FBXO33: variants seen among roughly 807,000 people sequenced by gnomAD.
The protein encoded by FBXO33 is F-box only protein 33.
A neutral mutation model predicts 46.3 loss-of-function variants in FBXO33; 22 were observed. That is an observed-to-expected ratio of 0.48 (90% CI 0.34 to 0.68). The LOEUF is 0.68. FBXO33 is among the 30% of genes least tolerant of loss of function. The pLI, the probability that FBXO33 is intolerant of heterozygous loss-of-function variation, is 0.01. For missense variants in FBXO33, 692 were observed against 708.8 expected, an observed-to-expected ratio of 0.98 and a Z score of 0.27; for synonymous variants, 337 against 291.3, an observed-to-expected ratio of 1.16 and a Z score of -1.60.
At chr14:39,416,600 A>G (rs1567076517) in intron 1 of FBXO33, among the ~76,000 whole-genome samples, 1 of 151,684 alleles carries the variant, frequency 6.6e-6, no homozygotes, top group Non-Finnish European at 1.5e-5. Flanking sequence ...CTTCTGCTTG[A>G]TCGATTGTCA....
intron 1 of FBXO33, among the ~76,000 whole-genome samples, chr14:39,416,069 GT>G (rs1289844553): frequency 6.6e-6 from 1 of 152,118 alleles, no homozygotes; most frequent in Non-Finnish European, 1.5e-5. Flanking sequence ...TCACTAGTGA[GT>G]TTTTTACTGT....
Position 39,431,913 on chromosome 14 carries a change from G to A in FBXO33, c.250C>T (p.Pro84Ser). ...ELIVHIFSFL[P>S]APDRLRASAS... The stretch of plus-strand genomic sequence containing the variant: ...GAGGCCCGCAGCCGGTCGGGCGCCG[G>A]CAGAAAAGAGAAGATGTGCACGATC... The change falls in exon 1 of 4, where the codon CCG (proline) becomes TCG (serine). Residue 84 changes from proline (P) to serine (S), a missense_variant. Coordinates refer to ENST00000298097, the MANE Select transcript of FBXO33 (RefSeq NM_203301.4). The A allele has an allele frequency of 1.9e-6, 3 of 1,541,190 alleles. No individual in the cohort carries two copies. The highest frequency in any genetic ancestry group is 2.4e-5 in the East Asian group (1 of 41,486).
chr14:39,409,550 G>C (rs909963385), intron 1 of FBXO33, among the ~76,000 whole-genome samples: 1 of 152,060 alleles, frequency 6.6e-6, no homozygotes, highest in African/African-American at 2.4e-5. Flanking sequence ...AGACTGCTCT[G>C]GCTATTCAGG....
intron 1 of FBXO33, among the ~76,000 whole-genome samples, chr14:39,403,802 TC>T (rs1252969311): frequency 1.5e-5 from 2 of 136,572 alleles, no homozygotes; most frequent in African/African-American, 6.2e-5. Context: ...AAATACCATT[TC>T]TTTTTTTTTT....
Position 39,432,397 on chromosome 14 carries a change from C to T in FBXO33, c.-235G>A, listed in dbSNP as rs2075568953. The T allele has an allele frequency of 7.6e-6, 2 of 263,820 alleles. No individual in the cohort carries two copies. Among genetic ancestry groups the T allele is most frequent in the Non-Finnish European group, 1.4e-5 (2 of 141,396 alleles). The allele number at this position is 263,820 out of a possible 1,614,324, so 16.3% of individuals were successfully genotyped here. On this transcript the variant is annotated 5_prime_UTR_variant, in exon 1 of 4. Transcript: ENST00000298097. ...AAGGCGTACTGTAAGGAAAAGGCAG[C>T]CCTCCCTGCGCCGGTCGGCAGAGAC...
At chr14:39,411,739 T>G (rs2075424286) in intron 1 of FBXO33, among the ~76,000 whole-genome samples, 1 of 152,152 alleles carries the variant, frequency 6.6e-6, no homozygotes, top group Non-Finnish European at 1.5e-5. Flanking sequence ...GTCAGGATGG[T>G]CTCGATCTCT....
In FBXO33 at chr14:39,401,581, G is replaced by A. The variant is rs17852779; in HGVS notation, c.991C>T (p.His331Tyr). 6 of 1,614,042 alleles carry A rather than the reference G, an allele frequency of 3.7e-6. No homozygotes were observed. The South Asian group carries it at 5.5e-5, about 15-fold the overall frequency. The change falls in exon 3 of 4, where the codon CAT becomes TAT. Residue 331 changes from histidine to tyrosine, a missense_variant. Around this residue, in one of 3 missense-constraint regions of FBXO33, gnomAD observed 186 missense variants for 246.1 expected, o/e 0.76. Transcript: ENST00000298097. The part of the protein sequence containing the change: ...EMARVLTDSN[H>Y]VPLQRLSLLV... ...AGAGACAGTCGTTGCAAAGGCACATGGTTGCTATCAGTTAAGACTCTTGCC... is the reference window on the plus strand; with the variant it reads ...AGAGACAGTCGTTGCAAAGGCACATAGTTGCTATCAGTTAAGACTCTTGCC...
intron 1 of FBXO33, among the ~76,000 whole-genome samples, chr14:39,413,013 A>G (rs2075430991): frequency 6.6e-6 from 1 of 152,250 alleles, no homozygotes; most frequent in African/African-American, 2.4e-5. Flanking sequence ...AGTGACTGGC[A>G]ATTTCTTAAA....
At chr14:39,429,318 A>G (rs2075531678) in intron 1 of FBXO33, among the ~76,000 whole-genome samples, 1 of 152,250 alleles carries the variant, frequency 6.6e-6, no homozygotes, top group African/African-American at 2.4e-5. Context: ...CTACTTATAG[A>G]ATGGCAGAAA....
At chr14:39,428,071 C>T (rs1320909299) in intron 1 of FBXO33, among the ~76,000 whole-genome samples, 2 of 152,162 alleles carry the variant, frequency 1.3e-5, no homozygotes, top group Non-Finnish European at 2.9e-5. Context: ...TCCTTTTTAA[C>T]TTACAGGATA....
chr14:39,431,336 G>C (rs1275730636), intron 1 of FBXO33, among the ~76,000 whole-genome samples: 1 of 152,166 alleles, frequency 6.6e-6, no homozygotes, highest in Non-Finnish European at 1.5e-5. Context: ...GGCGCCAGAA[G>C]TGGTGTCTGT....
At position 39,431,614 on chromosome 14, in the gene FBXO33, G is replaced by T; in HGVS notation, c.549C>A (p.Arg183=). The T allele has an allele frequency of 6.2e-7, 1 of 1,613,558 alleles. No homozygotes were observed. Among genetic ancestry groups the T allele is most frequent in the Non-Finnish European group, 8.5e-7 (1 of 1,180,032 alleles). Residue 183 remains arginine (R), a synonymous_variant, in exon 1 of 4, where the codon CGC becomes CGA. Coordinates refer to ENST00000298097, the MANE Select transcript of FBXO33 (RefSeq NM_203301.4). ...CGCAAAGCACCAGCTCCAAGTAGGT[G>T]CGCAGCACTTCCAGCCAACGAGCTG... is the stretch of plus-strand genomic sequence containing the variant. ...QLSARWLEVL[R]TYLELVLCVL...
At chr14:39,404,708 T>C (rs1398782335) in intron 1 of FBXO33, among the ~76,000 whole-genome samples, 1 of 152,038 alleles carries the variant, frequency 6.6e-6, no homozygotes, top group East Asian at 1.9e-4. Flanking sequence ...GGAAAAGCAT[T>C]TGCAGCACTT....
intron 1 of FBXO33, 90 bp downstream of exon 1, chr14:39,431,473 CG>C: frequency 6.3e-7 from 1 of 1,576,220 alleles, no homozygotes; most frequent in South Asian, 1.1e-5. Context: ...TGAAGTTGGC[CG>C]GGCACGTATT....
At chr14:39,405,355 G>C (rs2075390317) in intron 1 of FBXO33, among the ~76,000 whole-genome samples, 1 of 152,134 alleles carries the variant, frequency 6.6e-6, no homozygotes, top group Admixed American at 6.6e-5. Flanking sequence ...AAATGGACAG[G>C]AATAGGTGCT....
Position 39,432,136 on chromosome 14 carries a change from C to A in FBXO33, c.27G>T (p.Gln9His), listed in dbSNP as rs201896398. MLLFLSVP[Q>H]PRPPGARTRA... The stretch of plus-strand genomic sequence containing the variant: ...GGGTTCGAGCTCCCGGCGGTCGGGG[C>A]TGCGGCACTGACAAGAACAACAACA... The change falls in exon 1 of 4, where the codon CAG (glutamine) becomes CAT (histidine). Residue 9 changes from glutamine (Q) to histidine (H), a missense_variant. Gln to His is a conservative substitution (Grantham distance 24). Coordinates refer to ENST00000298097, the MANE Select transcript of FBXO33 (RefSeq NM_203301.4). 490 of 1,240,546 alleles carry A rather than the reference C, an allele frequency of 3.9e-4. No individual in the cohort carries two copies. The African/African-American group carries it at 7.2e-3, about 18-fold the overall frequency. The allele number at this position is 1,240,546 out of a possible 1,614,324, so 76.8% of individuals were successfully genotyped here.
intron 1 of FBXO33, among the ~76,000 whole-genome samples, chr14:39,429,136 G>A (rs1293208429): frequency 6.6e-6 from 1 of 152,182 alleles, no homozygotes; most frequent in East Asian, 1.9e-4. Flanking sequence ...CAGCACCCTT[G>A]AAAAGTTCAC....
chr14:39,426,575 A>G (rs748445301), intron 1 of FBXO33, among the ~76,000 whole-genome samples: 3 of 152,078 alleles, frequency 2.0e-5, no homozygotes, highest in Non-Finnish European at 4.4e-5. Context: ...CCTAACCCCA[A>G]TTCTTCCTTC....
rs773522873 is a variant in FBXO33, at chr14:39,402,438, G to C, written c.673C>G (p.Leu225Val). The C allele has an allele frequency of 1.3e-6, 2 of 1,579,688 alleles. No homozygotes were observed. The highest frequency in any genetic ancestry group is 1.4e-5 in the African/African-American group (1 of 73,500). The change falls in exon 2 of 4, where the codon CTC becomes GTC. Residue 225 changes from leucine (L) to valine (V), a missense_variant. This residue lies in a region of FBXO33 where 412 missense variants were observed against 370.8 expected (regional missense o/e 1.11). Coordinates refer to ENST00000298097, the MANE Select transcript of FBXO33 (RefSeq NM_203301.4). ...TTGCCATCAGGGTCCACCTTGCTGA[G>C]GTATGTATTTGACAAACTTCCTTGC... ...QQQGSLSNTY[L>V]SKVDPDGKKI... is the part of the protein sequence containing the mutation.
Sources: gnomAD v4.1 joint callset for allele counts (sites outside exome capture counted in the v4.1 genomes callset) on GRCh38, gnomAD v4.1.1 for gene constraint, gnomAD v4.1.1 regional missense constraint, MANE v1.5 for transcripts, NCBI Gene and HGNC (gene_info 2026-07-23, HGNC 2026-07-21) for gene names.